ITGB1: variants seen among roughly 807,000 people sequenced by gnomAD.
ITGB1 encodes the protein integrin beta-1.
In ITGB1, 24 loss-of-function variants were observed where a neutral mutation model predicts 86.5. That is an observed-to-expected ratio of 0.28 (90% CI 0.20 to 0.39). The LOEUF (loss-of-function observed/expected upper bound fraction) is 0.39. Ranked by LOEUF, ITGB1 falls within the 10% of genes least tolerant of loss-of-function variation. The pLI, the probability that ITGB1 is intolerant of heterozygous loss-of-function variation, is 1.00. For synonymous variants in ITGB1, 323 were observed against 316.8 expected (o/e 1.02, Z -0.21); for missense variants, 556 against 946.9 (o/e 0.59, Z 5.42).
intron 1 of ITGB1, among the ~76,000 whole-genome samples, chr10:32,956,544 C>CA (rs1565836886): frequency 6.6e-6 from 1 of 151,896 alleles, no homozygotes; most frequent in African/African-American, 2.4e-5. Context: ...CCTGTCTCTA[C>CA]AAAAAATAAA....
At chr10:32,912,316 T>G (rs564178400) in intron 11 of ITGB1, among the ~76,000 whole-genome samples, 192 bp from the exon 12 acceptor site, 1 of 152,124 alleles carries the variant, frequency 6.6e-6, no homozygotes, top group Non-Finnish European at 1.5e-5. Context: ...GTGCAGCCCA[T>G]GGAGTGTGAG....
intron 1 of ITGB1, chr10:32,935,848 CAA>C: frequency 4.6e-6 from 1 of 217,348 alleles, no homozygotes; most frequent in Non-Finnish European, 9.3e-6. Context: ...TAACAGCGCT[CAA>C]AAAAAAAATC....
At chr10:32,907,093 G>C in intron 15 of ITGB1, 1 of 1,359,960 alleles carries the variant, frequency 7.4e-7, no homozygotes, top group Non-Finnish European at 9.8e-7. Context: ...TACGTCCGTA[G>C]TTTGGATTCT....
At chr10:32,931,482 A>G (rs2094983188) in intron 3 of ITGB1, among the ~76,000 whole-genome samples, 1 of 152,138 alleles carries the variant, frequency 6.6e-6, no homozygotes, top group African/African-American at 2.4e-5. Context: ...GATAAAGCGG[A>G]TATTATCATC....
At chr10:32,925,135 A>G (rs2094960868) in intron 6 of ITGB1, among the ~76,000 whole-genome samples, 1 of 152,172 alleles carries the variant, frequency 6.6e-6, no homozygotes, top group South Asian at 2.1e-4. Flanking sequence ...AACAAAAATG[A>G]GACAAGAGTA....
chr10:32,900,536 C>T lies in ITGB1; in HGVS notation c.*1034G>A, dbSNP rs1049433. The T allele has an allele frequency of 2.4e-3, 364 of 148,946 alleles. 1 individual carries two copies. Among genetic ancestry groups the T allele is most frequent in the Non-Finnish European group, 4.2e-3 (281 of 67,172 alleles). The allele number at this position is 148,946 out of a possible 1,614,324, so 9.2% of individuals were successfully genotyped here. A position where few individuals can be genotyped will look rare whatever the true frequency, so the allele number is the denominator to read the frequency against. ...GGCAACTCAAATGGTGAGAAGTAAA[C>T]ATACAGTGGTCTGTTATGGCACTAA... On this transcript the variant is annotated 3_prime_UTR_variant, in exon 16 of 16. Transcript: ENST00000302278.
At chr10:32,935,638 G>A (rs551666407) in intron 1 of ITGB1, 80 bp from the exon 2 acceptor site, 11 of 967,298 alleles carry the variant, frequency 1.1e-5, no homozygotes, top group African/African-American at 3.3e-5. Context: ...TTACCCCACC[G>A]TACCTTCTAT....
chr10:32,925,944 T>C lies in ITGB1; in HGVS notation c.713A>G (p.Lys238Arg). 6.2e-7 allele frequency: 1 copy of C among 1,614,174 alleles called. No homozygotes were observed. Among genetic ancestry groups the C allele is most frequent in the Non-Finnish European group, 8.5e-7 (1 of 1,180,002 alleles). ...ATCCAAATTTCCAGATATGCGCTGT[T>C]TTCCAACAAGTTCATTAAATACTTC... ...KGEVFNELVG[K>R]QRISGNLDSP... is the part of the protein sequence containing the mutation. Residue 238 changes from lysine to arginine, a missense_variant, in exon 6 of 16, where the codon AAA becomes AGA. Lys to Arg is a conservative substitution (Grantham distance 26). Around this residue, in one of 4 missense-constraint regions of ITGB1, gnomAD observed 183 missense variants for 263.9 expected, o/e 0.69. Coordinates refer to ENST00000302278, the MANE Select transcript of ITGB1 (RefSeq NM_002211.4).
At chr10:32,921,271 T>C (rs1308341764) in intron 9 of ITGB1, among the ~76,000 whole-genome samples, 1 of 151,760 alleles carries the variant, frequency 6.6e-6, no homozygotes, top group East Asian at 1.9e-4. Flanking sequence ...TGGCAAGCTA[T>C]CTCTTGTTCA....
At chr10:32,944,787 G>C in intron 1 of ITGB1, 1 of 764,196 alleles carries the variant, frequency 1.3e-6, no homozygotes, top group South Asian at 1.3e-5. Flanking sequence ...CCTGCCAGTG[G>C]CTGAGTCTAC....
chr10:32,921,017 C>CAA lies in ITGB1; in HGVS notation c.1129-634_1129-633dup, dbSNP rs200429978. On this transcript the variant is annotated intron_variant, in intron 9 of 15. Transcript: ENST00000302278. Reference sequence around the variant, plus strand: ...AACAAAAACAAAAACAGAAACCCCCCAAAAAAAAACGAAATAAATGCTGTC... The same window carrying CAA: ...AACAAAAACAAAAACAGAAACCCCCCAAAAAAAAAAACGAAATAAATGCTGTC... 2.1e-5 allele frequency among the ~76,000 whole-genome samples: 3 copies of CAA among 142,222 alleles called. No homozygotes were observed. In the East Asian group the frequency reaches 6.5e-4, roughly 31 times the overall value. The allele number at this position is 142,222 out of a possible 152,430, so 93.3% of individuals were successfully genotyped here.
chr10:32,942,058 G>A (rs868251714), intron 1 of ITGB1, among the ~76,000 whole-genome samples: 5 of 152,130 alleles, frequency 3.3e-5, no homozygotes, highest in Admixed American at 6.5e-5. Context: ...ATGTGATTGG[G>A]ATGAAAAGAA....
At chr10:32,947,449 G>GTT (rs747183189) in intron 1 of ITGB1, among the ~76,000 whole-genome samples, 22 of 151,424 alleles carry the variant, frequency 1.5e-4, no homozygotes, top group Non-Finnish European at 2.5e-4. Context: ...GTGTGTGTGT[G>GTT]TGTGTGTGTG....
chr10:32,912,338 C>A (rs914777774), intron 11 of ITGB1, among the ~76,000 whole-genome samples: 2 of 152,136 alleles, frequency 1.3e-5, no homozygotes, highest in South Asian at 4.1e-4. Flanking sequence ...CGAAGCAGGG[C>A]GGGGCATCGC....
In ITGB1 at chr10:32,926,252, C is replaced by T. The variant is rs372924088; in HGVS notation, c.548-143G>A. On this transcript the variant is annotated intron_variant, in intron 5 of 15. Coordinates refer to ENST00000302278, the MANE Select transcript of ITGB1 (RefSeq NM_002211.4). The stretch of plus-strand genomic sequence containing the variant: ...TGTCTGTGTTACCCCAAAATTCCTA[C>T]ATTGAAAACCTAATTCCCAACATGA... 2.3e-5 allele frequency: 15 copies of T among 646,164 alleles called. No homozygotes were observed. In the African/African-American group the frequency reaches 2.6e-4, roughly 11 times the overall value. The allele number at this position is 646,164 out of a possible 1,614,324, so 40.0% of individuals were successfully genotyped here.
At chr10:32,930,187 C>G (rs1448646446) in intron 3 of ITGB1, 143 bp from the exon 4 acceptor site, 8 of 609,900 alleles carry the variant, frequency 1.3e-5, no homozygotes, top group South Asian at 2.0e-5. Flanking sequence ...ACAAAATGCT[C>G]CCTTCATCCA....
At chr10:32,955,614 C>T (rs899147034) in intron 1 of ITGB1, 13 of 152,160 alleles carry the variant, frequency 8.5e-5, no homozygotes, top group African/African-American at 3.1e-4. Flanking sequence ...CAGTGGCAAG[C>T]ACGCTTAGGA....
chr10:32,922,411 G>A lies in ITGB1; in HGVS notation c.1039-65C>T, dbSNP rs569852729. The A allele has an allele frequency of 3.0e-4, 335 of 1,120,312 alleles. 1 individual carries two copies. The Middle Eastern group carries it at 8.5e-3, about 28-fold the overall frequency. 69.4% of individuals were successfully genotyped at this position (1,120,312 alleles called of 1,614,324 possible). A position where few individuals can be genotyped will look rare whatever the true frequency, so the allele number is the denominator to read the frequency against. On this transcript the variant is annotated intron_variant, in intron 8 of 15. Coordinates refer to ENST00000302278, the MANE Select transcript of ITGB1 (RefSeq NM_002211.4). ...TTCATTCAACCAATTAGGATCCACT[G>A]AGCAACTTTTATCTTTAAATGCCAG...
intron 11 of ITGB1, among the ~76,000 whole-genome samples, chr10:32,918,147 G>C (rs1212738906): frequency 6.6e-6 from 1 of 152,122 alleles, no homozygotes; most frequent in Non-Finnish European, 1.5e-5. Context: ...TGAACAATGA[G>C]AACACTTGGA....
Sources: gnomAD v4.1 joint callset for allele counts (sites outside exome capture counted in the v4.1 genomes callset) on GRCh38, gnomAD v4.1.1 for gene constraint, gnomAD v4.1.1 regional missense constraint, MANE v1.5 for transcripts, NCBI Gene and HGNC (gene_info 2026-07-23, HGNC 2026-07-21) for gene names.